The following FRAS1 variants were observed in gnomAD, a reference collection of about 807,000 sequenced individuals.
FRAS1 encodes extracellular matrix organizing protein FRAS1.
A neutral mutation model predicts 435.2 loss-of-function variants in FRAS1; 290 were observed. That is an observed-to-expected ratio of 0.67 (90% confidence interval 0.61 to 0.73). The LOEUF (loss-of-function observed/expected upper bound fraction) is 0.73. Among genes scored for constraint, FRAS1 ranks in the 30% least tolerant of loss-of-function variants. The probability of loss-of-function intolerance (pLI) is 0.00; values close to 1 mark genes in which losing one functional copy is unlikely to be tolerated. For missense variants in FRAS1, 4,860 were observed against 5,001.5 expected (o/e 0.97, Z 0.85); for synonymous variants, 1,800 against 1,851.0 (o/e 0.97, Z 0.71).
chr4:78,374,016 T>C (rs1459315035), intron 24 of FRAS1, 95 bp from the exon 25 acceptor site: 4 of 1,251,828 alleles, frequency 3.2e-6, no homozygotes, highest in Admixed American at 2.2e-5. Flanking sequence ...CACTAGGCTG[T>C]ACTGCTGCTG....
At chr4:78,138,075 G>T (rs1173579021) in intron 2 of FRAS1, among the ~76,000 whole-genome samples, 1 of 152,150 alleles carries the variant, frequency 6.6e-6, no homozygotes, top group Non-Finnish European at 1.5e-5. Context: ...CCTACCAGGA[G>T]CTTGTCTTTC....
chr4:78,383,099 G>T (rs976596984), intron 27 of FRAS1, among the ~76,000 whole-genome samples: 1 of 152,192 alleles, frequency 6.6e-6, no homozygotes, highest in Non-Finnish European at 1.5e-5. Flanking sequence ...TGCTTGGTTT[G>T]GCATTGAAGG....
chr4:78,464,206 T>A, intron 48 of FRAS1, 61 bp downstream of exon 48: 1 of 1,554,812 alleles, frequency 6.4e-7, no homozygotes, highest in Non-Finnish European at 8.7e-7. Context: ...CTTCTTTGAG[T>A]GGAGTAGGCA....
intron 2 of FRAS1, among the ~76,000 whole-genome samples, chr4:78,084,976 G>C (rs565639621): frequency 6.6e-6 from 1 of 152,016 alleles, no homozygotes; most frequent in South Asian, 2.1e-4. Flanking sequence ...ATTTCCCAAT[G>C]ACACTAATAT....
Position 78,430,370 on chromosome 4 carries a change from G to A in FRAS1, c.4922G>A (p.Gly1641Asp). The A allele has an allele frequency of 1.2e-6, 2 of 1,613,822 alleles. No individual in the cohort carries two copies. The highest frequency in any genetic ancestry group is 8.5e-7 in the Non-Finnish European group (1 of 1,179,848). Reference protein sequence around the residue: ...FFELRRPPQHGVLLKHTAEFR... With the variant: ...FFELRRPPQHDVLLKHTAEFR... ...GAGCTTCGGAGACCTCCACAGCATG[G>A]TGTGCTTCTTAAGCATACAGCTGAG... The change falls in exon 37 of 74, where the codon GGT becomes GAT. Residue 1641 changes from glycine to aspartate, a missense_variant. Gly to Asp is a moderately conservative substitution (Grantham distance 94, BLOSUM62 -1). Transcript: ENST00000512123.
intron 2 of FRAS1, among the ~76,000 whole-genome samples, chr4:78,116,982 C>T (rs1291199127): frequency 6.6e-6 from 1 of 152,184 alleles, no homozygotes; most frequent in Non-Finnish European, 1.5e-5. Context: ...TTGTTCCTTT[C>T]CATGTTTAGT....
In FRAS1 at chr4:78,286,525, G is replaced by A. The variant is rs760540487; in HGVS notation, c.1520G>A (p.Arg507His). ...PTCGDGFYQDRHSCAVCHESC... is the reference protein window; with the variant it reads ...PTCGDGFYQDHHSCAVCHESC... ...TGTGGGGACGGCTTCTACCAAGATC[G>A]CCATTCCTGTGCAGGTAATCTCTGG... The change falls in exon 14 of 74, where the codon CGC becomes CAC. Residue 507 changes from arginine (R) to histidine (H), a missense_variant. Coordinates refer to ENST00000512123, the MANE Select transcript of FRAS1 (RefSeq NM_025074.7). 1.7e-5 allele frequency: 28 copies of A among 1,612,512 alleles called. No individual in the cohort carries two copies. The East Asian group carries it at 4.9e-4, about 28-fold the overall frequency.
In FRAS1 at chr4:78,478,529, G is replaced by C. The variant is rs555989113; in HGVS notation, c.8098+468G>C. ...ATAAACTATGTGTAAGAAATAAAGG[G>C]CAATTCTTTTTTTGTTTTATTTTTG... On this transcript the variant is annotated intron_variant, in intron 55 of 73. Transcript: ENST00000512123. 3.3e-5 allele frequency among the ~76,000 whole-genome samples: 5 copies of C among 152,256 alleles called. No homozygotes were observed. The East Asian group carries it at 9.6e-4, about 29-fold the overall frequency.
At chr4:78,102,047 C>T (rs9307340) in intron 2 of FRAS1, among the ~76,000 whole-genome samples, 33,052 of 152,140 alleles carry the variant, frequency 0.22, 3,952 homozygotes, top group Admixed American at 0.29. Context: ...TATATCAATA[C>T]CATTTTCTCA....
chr4:78,454,618 T>A (rs1365823029), intron 47 of FRAS1, among the ~76,000 whole-genome samples: 1 of 152,204 alleles, frequency 6.6e-6, no homozygotes, highest in Non-Finnish European at 1.5e-5. Context: ...AGGCTGCTGA[T>A]TGTATCTCTC....
In FRAS1 at chr4:78,346,151, CT is replaced by C. The variant is rs576232853; in HGVS notation, c.2422+8338del. ...AAACTGCTAAGGCTACATTTACCTG[CT>C]TTTACACACCTGTGAATTTCTGTGG... On this transcript the variant is annotated intron_variant, in intron 20 of 73. Coordinates refer to ENST00000512123, the MANE Select transcript of FRAS1 (RefSeq NM_025074.7). Among the ~76,000 whole-genome samples, 33 of 152,304 alleles carry C rather than the reference CT, an allele frequency of 2.2e-4. No homozygotes were observed. The South Asian group carries it at 6.4e-3, about 30-fold the overall frequency.
intron 2 of FRAS1, among the ~76,000 whole-genome samples, chr4:78,078,802 AG>A (rs1412334530): frequency 6.6e-6 from 1 of 152,178 alleles, no homozygotes; most frequent in Non-Finnish European, 1.5e-5. Flanking sequence ...AAATATATTA[AG>A]AAGAATTGTT....
chr4:78,140,367 C>A (rs1202929187), intron 2 of FRAS1, among the ~76,000 whole-genome samples: 1 of 151,974 alleles, frequency 6.6e-6, no homozygotes, highest in Non-Finnish European at 1.5e-5. Flanking sequence ...AAACTTCTTT[C>A]TGAAGTTGCA....
chr4:78,304,411 G>C (rs1303576964), intron 14 of FRAS1, among the ~76,000 whole-genome samples: 1 of 152,172 alleles, frequency 6.6e-6, no homozygotes, highest in East Asian at 1.9e-4. Flanking sequence ...CTATTGATTG[G>C]AATAGTTTCA....
chr4:78,288,122 A>G (rs1051417797), intron 14 of FRAS1, among the ~76,000 whole-genome samples: 9 of 152,234 alleles, frequency 5.9e-5, no homozygotes, highest in African/African-American at 1.9e-4. Flanking sequence ...AAGAACCCTT[A>G]GTGTTTATAG....
intron 2 of FRAS1, among the ~76,000 whole-genome samples, chr4:78,152,333 G>C (rs986654748): frequency 6.6e-6 from 1 of 152,084 alleles, no homozygotes; most frequent in Non-Finnish European, 1.5e-5. Flanking sequence ...GTGCAGGTAG[G>C]AGACTGAGTG....
chr4:78,209,573 C>A (rs1278353048), intron 2 of FRAS1, among the ~76,000 whole-genome samples: 2 of 152,110 alleles, frequency 1.3e-5, no homozygotes, highest in Non-Finnish European at 2.9e-5. Flanking sequence ...TTCCTTTACC[C>A]TACCCACACC....
intron 14 of FRAS1, among the ~76,000 whole-genome samples, chr4:78,287,258 C>T (rs1024967646): frequency 2.6e-5 from 4 of 152,104 alleles, no homozygotes; most frequent in African/African-American, 9.7e-5. Context: ...GGAAACTGCC[C>T]CCATGATCCA....
At chr4:78,198,319 C>T (rs1211823390) in intron 2 of FRAS1, among the ~76,000 whole-genome samples, 5 of 152,176 alleles carry the variant, frequency 3.3e-5, no homozygotes, top group South Asian at 4.1e-4. Context: ...TTAGAGGTCC[C>T]GTGGGCATAC....
Sources: gnomAD v4.1 joint callset for allele counts (sites outside exome capture counted in the v4.1 genomes callset) on GRCh38, gnomAD v4.1.1 for gene constraint, MANE v1.5 for transcripts, NCBI Gene and HGNC (gene_info 2026-07-23, HGNC 2026-07-21) for gene names.